The following KHDRBS3 variants were observed in gnomAD, a reference collection of about 807,000 sequenced individuals.
KHDRBS3 encodes KH domain-containing, RNA-binding, signal transduction-associated protein 3.
In KHDRBS3, 23 loss-of-function variants were observed where a neutral mutation model predicts 45.6. The ratio of observed to expected loss-of-function variants is 0.50; its 90% CI spans 0.36 to 0.72. The LOEUF (loss-of-function observed/expected upper bound fraction) is 0.72, where lower values mean the gene tolerates loss of function less well. KHDRBS3 is among the 30% of genes least tolerant of loss of function. The probability of loss-of-function intolerance (pLI) is 0.00; values close to 1 mark genes in which losing one functional copy is unlikely to be tolerated. For synonymous variants in KHDRBS3, 162 were observed against 156.5 expected, an observed-to-expected ratio of 1.04 and a Z score of -0.26; for missense variants, 352 against 424.8, an observed-to-expected ratio of 0.83 and a Z score of 1.51.
At position 135,627,333 on chromosome 8, in the gene KHDRBS3, G is replaced by A. The variant is rs1447958454; in HGVS notation, c.891-17726G>A. ...AGCTGAGGTTCAGGCAGGAAGAAGG[G>A]GGAAGAGTGGAAAGCCATGCCTCCT... is the stretch of plus-strand genomic sequence containing the variant. On this transcript the variant is annotated intron_variant, in intron 7 of 8. Coordinates refer to ENST00000355849, the MANE Select transcript of KHDRBS3 (RefSeq NM_006558.3). Among the ~76,000 whole-genome samples the A allele has an allele frequency of 2.0e-5, 3 of 152,302 alleles. No individual in the cohort carries two copies. In the East Asian group the frequency reaches 5.8e-4, roughly 29 times the overall value.
chr8:135,562,934 C>T (rs1440945935), intron 5 of KHDRBS3, among the ~76,000 whole-genome samples: 3 of 152,168 alleles, frequency 2.0e-5, no homozygotes, highest in Admixed American at 2.0e-4. Context: ...GTGATAATAT[C>T]TTCAATGGCA....
At chr8:135,464,580 A>G (rs1215869848) in intron 1 of KHDRBS3, among the ~76,000 whole-genome samples, 1 of 152,238 alleles carries the variant, frequency 6.6e-6, no homozygotes. Context: ...AAAAGAAAAA[A>G]AAGTATTCCC....
At chr8:135,600,588 A>G (rs1243496564) in intron 6 of KHDRBS3, among the ~76,000 whole-genome samples, 1 of 152,230 alleles carries the variant, frequency 6.6e-6, no homozygotes, top group African/African-American at 2.4e-5. Context: ...GACCTCTTGT[A>G]TCTCCTGCAC....
intron 5 of KHDRBS3, among the ~76,000 whole-genome samples, chr8:135,568,110 C>T (rs1827518596): frequency 6.6e-6 from 1 of 152,198 alleles, no homozygotes; most frequent in Non-Finnish European, 1.5e-5. Context: ...ACAAAAGCTG[C>T]TTCCCGTCTT....
At chr8:135,506,649 G>A (rs571839265) in intron 1 of KHDRBS3, among the ~76,000 whole-genome samples, 1 of 151,924 alleles carries the variant, frequency 6.6e-6, no homozygotes, top group Non-Finnish European at 1.5e-5. Context: ...TGATCCTCCC[G>A]CCTCAGCCTC....
rs181909924 is a variant in KHDRBS3 at position 135,520,002 on chromosome 8, T to G, written c.89-1235T>G. 2.6e-3 allele frequency among the ~76,000 whole-genome samples: 395 copies of G among 152,344 alleles called. 3 individuals carry two copies. The highest frequency in any genetic ancestry group is 6.8e-3 in the Middle Eastern group (2 of 294). Reference sequence around the variant, plus strand: ...ATGACATAAAAATGGTGGGAGAGACTGCACAGGCACCTTGTCTTTGGAGCC... The same window carrying G: ...ATGACATAAAAATGGTGGGAGAGACGGCACAGGCACCTTGTCTTTGGAGCC... On this transcript the variant is annotated intron_variant, in intron 1 of 8. Transcript: ENST00000355849.
At chr8:135,555,926 C>T (rs1055639710) in intron 4 of KHDRBS3, among the ~76,000 whole-genome samples, 40 of 152,174 alleles carry the variant, frequency 2.6e-4, no homozygotes, top group Non-Finnish European at 4.7e-4. Context: ...TGATGTTCCC[C>T]TCACTGTGTC....
At chr8:135,558,486 G>A (rs571342674) in intron 5 of KHDRBS3, among the ~76,000 whole-genome samples, 1 of 152,232 alleles carries the variant, frequency 6.6e-6, no homozygotes, top group South Asian at 2.1e-4. Flanking sequence ...TTATTTGGGA[G>A]AATAAAAAGT....
chr8:135,493,961 C>G (rs1481870918), intron 1 of KHDRBS3, among the ~76,000 whole-genome samples: 1 of 152,084 alleles, frequency 6.6e-6, no homozygotes, highest in Non-Finnish European at 1.5e-5. Context: ...TTCATGCTAT[C>G]TTTTCCTTTT....
chr8:135,645,765 T>C (rs1308130614), intron 8 of KHDRBS3, among the ~76,000 whole-genome samples: 1 of 152,170 alleles, frequency 6.6e-6, no homozygotes, highest in African/African-American at 2.4e-5. Flanking sequence ...ATAATGGTAG[T>C]AAGAAGAGCC....
chr8:135,548,928 C>A, intron 4 of KHDRBS3, 28 bp downstream of exon 4: 1 of 1,504,068 alleles, frequency 6.6e-7, no homozygotes. Context: ...TGATAGTTAA[C>A]TTGTACTTTA....
intron 7 of KHDRBS3, among the ~76,000 whole-genome samples, chr8:135,639,307 A>T (rs1430833753): frequency 2.0e-5 from 3 of 152,208 alleles, no homozygotes; most frequent in Admixed American, 6.5e-5. Context: ...GTTATTGCTA[A>T]TGGCAAGATC....
At chr8:135,538,125 C>G (rs933873765) in intron 2 of KHDRBS3, among the ~76,000 whole-genome samples, 4 of 151,990 alleles carry the variant, frequency 2.6e-5, no homozygotes, top group Non-Finnish European at 5.9e-5. Flanking sequence ...TGGGGCAGTG[C>G]GATGAATGGG....
intron 5 of KHDRBS3, among the ~76,000 whole-genome samples, chr8:135,567,076 G>A (rs540965938): frequency 2.4e-4 from 36 of 152,156 alleles, no homozygotes; most frequent in African/African-American, 7.0e-4. Context: ...GCATATTAAC[G>A]CCCTTGGACA....
At chr8:135,653,276 T>C (rs918857144) in intron 4 of KHDRBS3, among the ~76,000 whole-genome samples, 7 of 152,306 alleles carry the variant, frequency 4.6e-5, no homozygotes, top group South Asian at 4.1e-4. Context: ...ATTGGACTTG[T>C]ACTTCCAAAT....
intron 2 of KHDRBS3, among the ~76,000 whole-genome samples, chr8:135,535,275 A>T (rs1276982137): frequency 2.2e-5 from 3 of 136,034 alleles, no homozygotes; most frequent in Non-Finnish European, 4.7e-5. Flanking sequence ...ATATATAGTT[A>T]AACTATATAT....
At chr8:135,493,250 G>T (rs1399131657) in intron 1 of KHDRBS3, among the ~76,000 whole-genome samples, 2 of 151,748 alleles carry the variant, frequency 1.3e-5, no homozygotes, top group Non-Finnish European at 2.9e-5. Flanking sequence ...GGATTTTCTG[G>T]ATAGTTTTTT....
intron 1 of KHDRBS3, among the ~76,000 whole-genome samples, chr8:135,468,574 C>G (rs111495056): frequency 1.3e-4 from 20 of 152,280 alleles, no homozygotes; most frequent in Middle Eastern, 3.4e-3. Flanking sequence ...GCCACAGACA[C>G]TATGTAAATG....
intron 1 of KHDRBS3, among the ~76,000 whole-genome samples, chr8:135,467,096 C>T (rs1821735188): frequency 6.6e-6 from 1 of 152,178 alleles, no homozygotes. Context: ...TCATGTACCC[C>T]ATAAACATGT....
Sources: gnomAD v4.1 joint callset for allele counts (sites outside exome capture counted in the v4.1 genomes callset) on GRCh38, gnomAD v4.1.1 for gene constraint, MANE v1.5 for transcripts, NCBI Gene and HGNC (gene_info 2026-07-23, HGNC 2026-07-21) for gene names.